Variants in TRMT9B observed in about 807,000 individuals in gnomAD.
TRMT9B encodes the protein probable tRNA methyltransferase 9B.
Under a neutral mutation model 11.5 loss-of-function variants are expected in TRMT9B, and 16 were observed. That is an observed-to-expected ratio of 1.39 (90% CI 0.94 to 2.11). TRMT9B has a LOEUF of 2.11. TRMT9B is among the 30% of genes most tolerant of loss of function. TRMT9B has a pLI of 0.00. For synonymous variants in TRMT9B, 274 were observed against 192.4 expected (o/e 1.42, Z -3.51); for missense variants, 941 against 553.8 (o/e 1.70, Z -7.02).
intron 2 of TRMT9B, among the ~76,000 whole-genome samples, chr8:12,998,659 G>A (rs1808804949): frequency 6.6e-6 from 1 of 152,212 alleles, no homozygotes; most frequent in Non-Finnish European, 1.5e-5. Flanking sequence ...CTGGTGACAA[G>A]GAGCCACTCT....
In TRMT9B at chr8:13,022,314, C is replaced by CT. The variant is rs3832584; in HGVS notation, c.*278dup. The CT allele has an allele frequency of 0.048, 16,019 of 332,240 alleles. 464 individuals are homozygous for CT. The highest frequency in any genetic ancestry group is 0.074 in the South Asian group (736 of 9,972). The allele number at this position is 332,240 out of a possible 1,614,324, so 20.6% of individuals were successfully genotyped here. On this transcript the variant is annotated 3_prime_UTR_variant, in exon 5 of 5. Transcript: ENST00000524591. ...AAAGTACCCTTCAGTACACCTCAGA[C>CT]TTTTTTTTAACCCCAGAGAGATAAA...
rs1461915577 is a variant in TRMT9B, at chr8:13,021,887, T to C, written c.1208T>C (p.Leu403Ser). ...GTCGAAGATCCACAGACTGATGTTT[T>C]GGACTCCACAGCCTTTATGCGCTAC... ...MSVEDPQTDV[L>S]DSTAFMRYYH... Residue 403 changes from leucine to serine, a missense_variant, in exon 5 of 5, where the codon TTG becomes TCG. Leu to Ser is a moderately radical substitution (Grantham distance 145). Transcript: ENST00000524591. The C allele has an allele frequency of 4.3e-6, 7 of 1,613,862 alleles. 1 individual carries two copies. Among genetic ancestry groups the C allele is most frequent in the Middle Eastern group, 3.3e-4 (2 of 6,062 alleles).
intron 2 of TRMT9B, among the ~76,000 whole-genome samples, chr8:13,002,281 G>A (rs955876623): frequency 2.6e-5 from 4 of 152,104 alleles, no homozygotes; most frequent in African/African-American, 9.7e-5. Context: ...ATTTCCAAGT[G>A]CAACAAAGAA....
chr8:12,989,435 G>T (rs1032494117), intron 1 of TRMT9B, among the ~76,000 whole-genome samples: 1 of 152,180 alleles, frequency 6.6e-6, no homozygotes, highest in Non-Finnish European at 1.5e-5. Context: ...AGTCATATTT[G>T]TAGGTGTTTT....
intron 1 of TRMT9B, among the ~76,000 whole-genome samples, chr8:12,975,602 G>A (rs140048248): frequency 9.2e-5 from 14 of 152,234 alleles, no homozygotes; most frequent in African/African-American, 2.9e-4. Context: ...GCTGGGTATG[G>A]TGGCATGTGT....
In TRMT9B at chr8:13,013,880, C is replaced by T. The variant is rs928968067; in HGVS notation, c.328+1023C>T. Among the ~76,000 whole-genome samples, 8 of 152,022 alleles carry T rather than the reference C, an allele frequency of 5.3e-5. No individual in the cohort carries two copies. The East Asian group carries it at 7.7e-4, about 15-fold the overall frequency. ...AGGAGAATCGCTTGAACCTGGAAGG[C>T]GGAGGGTGCAGTGAGCTGAGATCAC... On this transcript the variant is annotated intron_variant, in intron 4 of 4. Coordinates refer to ENST00000524591, the MANE Select transcript of TRMT9B (RefSeq NM_020844.3).
Position 13,028,899 on chromosome 8 carries a change from C to T in TRMT9B, c.*6855C>T, listed in dbSNP as rs1014300458. 3 of 167,002 alleles carry T rather than the reference C, an allele frequency of 1.8e-5. No homozygotes were observed. The highest frequency in any genetic ancestry group is 7.2e-5 in the African/African-American group (3 of 41,416). The allele number at this position is 167,002 out of a possible 1,614,324, so 10.3% of individuals were successfully genotyped here. ...CACTACTAAAGTTTGTTTTACTTCT[C>T]TGGTTATTTACACAAAACGCTGGCA... On this transcript the variant is annotated 3_prime_UTR_variant, in exon 5 of 5. Coordinates refer to ENST00000524591, the MANE Select transcript of TRMT9B (RefSeq NM_020844.3).
intron 1 of TRMT9B, among the ~76,000 whole-genome samples, chr8:12,972,317 C>T (rs1234577603): frequency 6.6e-6 from 1 of 152,064 alleles, no homozygotes; most frequent in Admixed American, 6.5e-5. Context: ...CCGGCTGGTG[C>T]GGAGACTTTG....
Position 13,021,374 on chromosome 8 carries a change from A to G in TRMT9B, c.695A>G (p.Glu232Gly). 6.2e-7 allele frequency: 1 copy of G among 1,614,050 alleles called. No homozygotes were observed. Among genetic ancestry groups the G allele is most frequent in the Non-Finnish European group, 8.5e-7 (1 of 1,179,898 alleles). ...ACCTGTTTTGCAAATATTTCTAAGGAAGGCGAGGAAGAATATGGATTTTAC... is the reference window on the plus strand; with the variant it reads ...ACCTGTTTTGCAAATATTTCTAAGGGAGGCGAGGAAGAATATGGATTTTAC... ...ARTCFANISKEGEEEYGFYST... is the reference protein window; with the variant it reads ...ARTCFANISKGGEEEYGFYST... Residue 232 changes from glutamate (E) to glycine (G), a missense_variant, in exon 5 of 5, where the codon GAA becomes GGA. Coordinates refer to ENST00000524591, the MANE Select transcript of TRMT9B (RefSeq NM_020844.3).
chr8:13,018,291 A>G (rs920843211), intron 4 of TRMT9B, among the ~76,000 whole-genome samples: 1 of 149,902 alleles, frequency 6.7e-6, no homozygotes, highest in African/African-American at 2.4e-5. Flanking sequence ...GGTCCCAGCT[A>G]CTCAGGAGGC....
chr8:13,004,894 G>A (rs1167157426), intron 2 of TRMT9B, among the ~76,000 whole-genome samples: 1 of 151,874 alleles, frequency 6.6e-6, no homozygotes, highest in Non-Finnish European at 1.5e-5. Context: ...GCATCTCATG[G>A]CTTGAGTGCC....
At chr8:13,011,633 C>T (rs920699447) in intron 3 of TRMT9B, 3 of 973,668 alleles carry the variant, frequency 3.1e-6, no homozygotes, top group Non-Finnish European at 3.7e-6. Context: ...CATGTTACTA[C>T]CTACCTCAAT....
intron 4 of TRMT9B, among the ~76,000 whole-genome samples, chr8:13,020,094 A>T (rs1283814494): frequency 6.6e-6 from 1 of 152,170 alleles, no homozygotes; most frequent in Non-Finnish European, 1.5e-5. Context: ...GCCTAAAATC[A>T]CCACTAACAG....
intron 1 of TRMT9B, among the ~76,000 whole-genome samples, chr8:12,947,181 T>C (rs1800309102): frequency 1.3e-5 from 2 of 152,282 alleles, no homozygotes; most frequent in African/African-American, 2.4e-5. Context: ...CCATAAAGCT[T>C]GAGCTTTGCC....
rs1807626474 is a variant in TRMT9B, at chr8:12,992,900, A to G, written c.-2+1869A>G. On this transcript the variant is annotated intron_variant, in intron 2 of 4. Coordinates refer to ENST00000524591, the MANE Select transcript of TRMT9B (RefSeq NM_020844.3). ...GTAAAAACTAAAAATAAGTCCTGGA[A>G]TGGATGATTTTTATCTGTAGTTACC... Among the ~76,000 whole-genome samples the G allele has an allele frequency of 2.6e-5, 4 of 152,132 alleles. No homozygotes were observed. The South Asian group carries it at 8.3e-4, about 32-fold the overall frequency.
chr8:12,977,437 T>G (rs1804631255), intron 1 of TRMT9B, among the ~76,000 whole-genome samples: 1 of 152,146 alleles, frequency 6.6e-6, no homozygotes, highest in Non-Finnish European at 1.5e-5. Flanking sequence ...GCGTGGGTGC[T>G]CACATCTGTA....
intron 1 of TRMT9B, among the ~76,000 whole-genome samples, chr8:12,983,958 G>C (rs939556): frequency 0.026 from 4,011 of 152,158 alleles, 151 homozygotes; most frequent in African/African-American, 0.091. Flanking sequence ...TTACTGTTAA[G>C]TATTTAAGTG....
At chr8:12,962,200 A>T (rs796410053) in intron 1 of TRMT9B, 3 of 152,534 alleles carry the variant, frequency 2.0e-5, no homozygotes, top group African/African-American at 7.2e-5. Flanking sequence ...TTGCTTTGCT[A>T]GGACACCATC....
chr8:12,949,573 C>G (rs1437337578), intron 1 of TRMT9B, among the ~76,000 whole-genome samples: 1 of 152,164 alleles, frequency 6.6e-6, no homozygotes, highest in Non-Finnish European at 1.5e-5. Context: ...AGAAAAATCT[C>G]TTTATTTTTC....
Sources: allele counts gnomAD v4.1 joint callset (sites outside exome capture counted in the v4.1 genomes callset), GRCh38; gene constraint gnomAD v4.1.1; transcripts MANE v1.5; gene names NCBI Gene and HGNC (gene_info 2026-07-23, HGNC 2026-07-21).